Variants in DPF3 observed in about 807,000 individuals in gnomAD.
DPF3 encodes the protein zinc finger protein DPF3.
A neutral mutation model predicts 56.8 loss-of-function variants in DPF3; 18 were observed. That is an observed-to-expected ratio of 0.32 (90% CI 0.22 to 0.47). DPF3 has a LOEUF of 0.47. Among genes scored for constraint, DPF3 ranks in the 20% least tolerant of loss-of-function variants. The pLI, the probability that DPF3 is intolerant of heterozygous loss-of-function variation, is 1.00. For missense variants in DPF3, 403 were observed against 488.8 expected, an observed-to-expected ratio of 0.82 and a Z score of 1.65; for synonymous variants, 188 against 180.2, an observed-to-expected ratio of 1.04 and a Z score of -0.35.
In DPF3 at chr14:72,763,810, T is replaced by TA. The variant is rs552629749; in HGVS notation, c.193+7922dup. ...TAATGAAAATACAAACCACAGATTG[T>TA]AAAAAAAAATTTGCAAAGCATAGGT... On this transcript the variant is annotated intron_variant, in intron 2 of 10. Coordinates refer to ENST00000556509, the MANE Select transcript of DPF3 (RefSeq NM_001280542.3). Among the ~76,000 whole-genome samples, 414 of 151,482 alleles carry TA rather than the reference T, an allele frequency of 2.7e-3. 1 individual carries two copies. The highest frequency in any genetic ancestry group is 4.4e-3 in the Non-Finnish European group (297 of 67,776).
rs759070221 is a variant in DPF3 at position 72,714,517 on chromosome 14, G to C, written c.526-16C>G. ...AGCCGCGAGCCTGGGGAGACATTGGGGTACAGGATGCTTGTTACCATGGTC... is the reference window on the plus strand; with the variant it reads ...AGCCGCGAGCCTGGGGAGACATTGGCGTACAGGATGCTTGTTACCATGGTC... On this transcript the variant is annotated splice_polypyrimidine_tract_variant and intron_variant, in intron 5 of 10. Coordinates refer to ENST00000556509, the MANE Select transcript of DPF3 (RefSeq NM_001280542.3). 1.9e-6 allele frequency: 3 copies of C among 1,613,398 alleles called. No individual in the cohort carries two copies. The highest frequency in any genetic ancestry group is 2.5e-6 in the Non-Finnish European group (3 of 1,179,620).
chr14:72,886,347 G>A (rs1251742983), intron 1 of DPF3, among the ~76,000 whole-genome samples: 1 of 152,126 alleles, frequency 6.6e-6, no homozygotes, highest in Non-Finnish European at 1.5e-5. Context: ...ACTCCAGCCT[G>A]GGTGACAGAG....
At chr14:72,620,973 T>C (rs1195810619) in intron 9 of DPF3, among the ~76,000 whole-genome samples, 1 of 152,126 alleles carries the variant, frequency 6.6e-6, no homozygotes, top group Admixed American at 6.5e-5. Flanking sequence ...AAACCCCATC[T>C]CTACTAACAA....
At chr14:72,884,885 A>G (rs1886454152) in intron 1 of DPF3, among the ~76,000 whole-genome samples, 1 of 141,386 alleles carries the variant, frequency 7.1e-6, no homozygotes. Context: ...TCACGAGGTC[A>G]GGAGATCGAG....
chr14:72,836,102 G>C, intron 1 of DPF3: 1 of 985,622 alleles, frequency 1.0e-6, no homozygotes, highest in Non-Finnish European at 1.2e-6. Flanking sequence ...CAGGTCTGCT[G>C]TGGAAATCCA....
At position 72,624,333 on chromosome 14, in the gene DPF3, C is replaced by CTT. The variant is rs55820708; in HGVS notation, c.985-4351_985-4350dup. 2.9e-3 allele frequency among the ~76,000 whole-genome samples: 282 copies of CTT among 97,774 alleles called. 4 individuals carry two copies. The highest frequency in any genetic ancestry group is 6.5e-3 in the East Asian group (20 of 3,058). The allele number at this position is 97,774 out of a possible 152,430, so 64.1% of individuals were successfully genotyped here. A position where few individuals can be genotyped will look rare whatever the true frequency, so the allele number is the denominator to read the frequency against. ...TTCTCCAGTTTTCCCACCTATGTCTCTTTTTTTTTTTTTTTTTTTTTCTGA... is the reference window on the plus strand; with the variant it reads ...TTCTCCAGTTTTCCCACCTATGTCTCTTTTTTTTTTTTTTTTTTTTTTTCTGA... On this transcript the variant is annotated intron_variant, in intron 9 of 10. Transcript: ENST00000556509.
chr14:72,662,441 T>G lies in DPF3; in HGVS notation c.871+11799A>C, dbSNP rs201874403. On this transcript the variant is annotated intron_variant, in intron 8 of 10. Transcript: ENST00000556509. ...TCAGCACTTTTTTCCTTTTAAATAT[T>G]GAAATAAATAAAATAGTTAACTCTT... 1.7e-5 allele frequency: 17 copies of G among 983,892 alleles called. No homozygotes were observed. The East Asian group carries it at 1.9e-3, about 112-fold the overall frequency. The allele number at this position is 983,892 out of a possible 1,614,324, so 60.9% of individuals were successfully genotyped here.
intron 1 of DPF3, among the ~76,000 whole-genome samples, chr14:72,784,519 C>G (rs868133111): frequency 6.6e-6 from 1 of 152,206 alleles, no homozygotes; most frequent in African/African-American, 2.4e-5. Flanking sequence ...CCTTCCCCCA[C>G]TATACTTATT....
At chr14:72,781,969 G>T (rs1273739649) in intron 1 of DPF3, among the ~76,000 whole-genome samples, 1 of 152,156 alleles carries the variant, frequency 6.6e-6, no homozygotes, top group African/African-American at 2.4e-5. Flanking sequence ...TTAGTTTCCT[G>T]GTCCACAGAC....
intron 1 of DPF3, among the ~76,000 whole-genome samples, chr14:72,864,466 G>A (rs971051851): frequency 1.3e-5 from 2 of 152,192 alleles, no homozygotes; most frequent in African/African-American, 4.8e-5. Context: ...CATATCCCCA[G>A]CACCTACAGT....
intron 6 of DPF3, among the ~76,000 whole-genome samples, chr14:72,709,972 T>A (rs550437444): frequency 6.6e-6 from 1 of 152,358 alleles, no homozygotes; most frequent in East Asian, 1.9e-4. Context: ...AAAGGGCATA[T>A]GCCTGCTTTG....
At chr14:72,706,275 C>A in intron 6 of DPF3, among the ~76,000 whole-genome samples, 1 of 152,210 alleles carries the variant, frequency 6.6e-6, no homozygotes. Flanking sequence ...TTCTTGGCAT[C>A]CCGGGGCTGC....
chr14:72,661,288 G>A, intron 8 of DPF3: 1 of 985,332 alleles, frequency 1.0e-6, no homozygotes, highest in Non-Finnish European at 1.2e-6. Context: ...CAACAGGACT[G>A]GCTTTGAACA....
chr14:72,659,629 C>T (rs533740623), intron 8 of DPF3, among the ~76,000 whole-genome samples: 29 of 152,268 alleles, frequency 1.9e-4, no homozygotes, highest in African/African-American at 6.5e-4. Flanking sequence ...AAGCACTGGC[C>T]CATCAGAATC....
chr14:72,626,601 G>A (rs1300131687), intron 9 of DPF3, among the ~76,000 whole-genome samples: 2 of 152,034 alleles, frequency 1.3e-5, no homozygotes, highest in African/African-American at 4.8e-5. Context: ...GGATATTTAG[G>A]TTGTTTCCAA....
At chr14:72,782,373 G>A (rs983664638) in intron 1 of DPF3, among the ~76,000 whole-genome samples, 4 of 151,936 alleles carry the variant, frequency 2.6e-5, no homozygotes, top group African/African-American at 7.3e-5. Flanking sequence ...ACAGACACAC[G>A]CCACCACACT....
intron 1 of DPF3, among the ~76,000 whole-genome samples, chr14:72,862,298 C>T (rs1599504482): frequency 6.6e-6 from 1 of 152,168 alleles, no homozygotes; most frequent in African/African-American, 2.4e-5. Flanking sequence ...CGAAGTGGAG[C>T]CCACACACAC....
chr14:72,615,388 A>G lies in DPF3; in HGVS notation c.*3909T>C, dbSNP rs911399010. ...CACTTGCCCCGAAAGGAAAAGTAAT[A>G]ACAATCATCTCATTTTTCTTCCTTA... On this transcript the variant is annotated 3_prime_UTR_variant, in exon 11 of 11. Transcript: ENST00000556509. Among the ~76,000 whole-genome samples, 4 of 152,224 alleles carry G rather than the reference A, an allele frequency of 2.6e-5. No homozygotes were observed. The highest frequency in any genetic ancestry group is 9.6e-5 in the African/African-American group (4 of 41,456).
chr14:72,848,937 G>A (rs558968466), intron 1 of DPF3, among the ~76,000 whole-genome samples: 2 of 152,262 alleles, frequency 1.3e-5, no homozygotes, highest in African/African-American at 4.8e-5. Context: ...GCCAGGTTCT[G>A]TACTAAGCGC....
Sources: allele counts gnomAD v4.1 joint callset (sites outside exome capture counted in the v4.1 genomes callset), GRCh38; gene constraint gnomAD v4.1.1; transcripts MANE v1.5; gene names NCBI Gene and HGNC (gene_info 2026-07-23, HGNC 2026-07-21).